Variants in BAG2 observed in about 807,000 individuals in gnomAD.
The protein encoded by BAG2 is BAG cochaperone 2, also known as BAG family molecular chaperone regulator 2.
BAG2 carries 8 observed loss-of-function variants against 16.4 expected under a neutral mutation model. The ratio of observed to expected loss-of-function variants is 0.49; its 90% CI spans 0.29 to 0.88. BAG2 has a LOEUF of 0.88. Among genes scored for constraint, BAG2 ranks in the 40% least tolerant of loss-of-function variants. BAG2 has a pLI of 0.09. For synonymous variants in BAG2, 82 were observed against 89.2 expected, an observed-to-expected ratio of 0.92 and a Z score of 0.46; for missense variants, 218 against 248.9, an observed-to-expected ratio of 0.88 and a Z score of 0.84.
At chr6:57,181,037 T>G (rs1471119105) in intron 1 of BAG2, among the ~76,000 whole-genome samples, 1 of 152,214 alleles carries the variant, frequency 6.6e-6, no homozygotes, top group Non-Finnish European at 1.5e-5. Flanking sequence ...GACATATCAG[T>G]GTATTTCTGT....
At position 57,184,013 on chromosome 6, in the gene BAG2, G is replaced by A; in HGVS notation, c.459G>A (p.Gln153=). ...SSEVPHGPVD[Q]KFQSIVIGCA... The stretch of plus-strand genomic sequence containing the variant: ...AGGTGCCACATGGGCCAGTTGATCA[G>A]AAGTTTCAATCCATAGTAATTGGCT... The change falls in exon 3 of 3, where the codon CAG becomes CAA. Residue 153 remains glutamine, a synonymous_variant. Coordinates refer to ENST00000370693, the MANE Select transcript of BAG2 (RefSeq NM_004282.4). The A allele has an allele frequency of 6.2e-7, 1 of 1,613,068 alleles. No homozygotes were observed. The highest frequency in any genetic ancestry group is 1.7e-5 in the Admixed American group (1 of 59,784).
rs969443655 is a variant in BAG2 at position 57,181,909 on chromosome 6, A to G, written c.114-123A>G. ...AAAATGAAAGAATTTTAAAGCAGAA[A>G]TGAAGAATTTTTGAAAAGTTTGGTG... On this transcript the variant is annotated intron_variant, in intron 1 of 2. Transcript: ENST00000370693. The G allele has an allele frequency of 5.2e-6, 4 of 764,702 alleles. No homozygotes were observed. In the Admixed American group the frequency reaches 7.7e-5, roughly 15 times the overall value. 47.4% of individuals were successfully genotyped at this position (764,702 alleles called of 1,614,324 possible).
At chr6:57,173,548 C>G (rs1019337139) in intron 1 of BAG2, 1 of 945,800 alleles carries the variant, frequency 1.1e-6, no homozygotes, top group African/African-American at 1.8e-5. Context: ...CCTTTTCTTG[C>G]TTAAGAATTT....
chr6:57,173,632 T>C (rs1375214336), intron 1 of BAG2: 4 of 599,728 alleles, frequency 6.7e-6, no homozygotes, highest in Non-Finnish European at 8.4e-6. Context: ...GGAAAGACTT[T>C]AACGGTGTAT....
chr6:57,173,153 G>A (rs552615314), intron 1 of BAG2: 1 of 1,013,080 alleles, frequency 9.9e-7, no homozygotes, highest in East Asian at 9.3e-5. Flanking sequence ...TAAGGACTGT[G>A]GCAGCTTGGG....
At position 57,172,623 on chromosome 6, in the gene BAG2, C is replaced by T; in HGVS notation, c.-75C>T. 4.8e-6 allele frequency: 6 copies of T among 1,251,010 alleles called. No homozygotes were observed. Among genetic ancestry groups the T allele is most frequent in the Non-Finnish European group, 6.3e-6 (6 of 951,556 alleles). The allele number at this position is 1,251,010 out of a possible 1,614,324, so 77.5% of individuals were successfully genotyped here. Reference sequence around the variant, plus strand: ...GCCCGCGTGGTGACGGCGACGCCTGCAGCCCAAGGAGCGCTCCACTCGCTG... The same window carrying T: ...GCCCGCGTGGTGACGGCGACGCCTGTAGCCCAAGGAGCGCTCCACTCGCTG... On this transcript the variant is annotated 5_prime_UTR_variant, in exon 1 of 3. Transcript: ENST00000370693.
In BAG2 at chr6:57,185,003, A is replaced by G. The variant is rs981535667; in HGVS notation, c.*813A>G. The stretch of plus-strand genomic sequence containing the variant: ...TTTTATGGACATTTAGGTTGTTTCC[A>G]ACTTGTTGCTATTACTGCAACATAT... On this transcript the variant is annotated 3_prime_UTR_variant, in exon 3 of 3. Coordinates refer to ENST00000370693, the MANE Select transcript of BAG2 (RefSeq NM_004282.4). 1 of 152,194 alleles carries G rather than the reference A, an allele frequency of 6.6e-6. No homozygotes were observed. The highest frequency in any genetic ancestry group is 1.5e-5 in the Non-Finnish European group (1 of 68,028). 9.4% of individuals were successfully genotyped at this position (152,194 alleles called of 1,614,324 possible). A position where few individuals can be genotyped will look rare whatever the true frequency, so the allele number is the denominator to read the frequency against.
chr6:57,181,224 C>A (rs1764431557), intron 1 of BAG2, among the ~76,000 whole-genome samples: 1 of 152,082 alleles, frequency 6.6e-6, no homozygotes, highest in African/African-American at 2.4e-5. Context: ...TGGTATATGT[C>A]CTAAGGAAAT....
At position 57,184,984 on chromosome 6, in the gene BAG2, G is replaced by A. The variant is rs568899174; in HGVS notation, c.*794G>A. The A allele has an allele frequency of 6.6e-6, 1 of 152,070 alleles. No homozygotes were observed. The highest frequency in any genetic ancestry group is 2.1e-4 in the South Asian group (1 of 4,812). The allele number at this position is 152,070 out of a possible 1,614,324, so 9.4% of individuals were successfully genotyped here. ...ATATCTTTATCCATTCCTCTTTTATGGACATTTAGGTTGTTTCCAACTTGT... is the reference window on the plus strand; with the variant it reads ...ATATCTTTATCCATTCCTCTTTTATAGACATTTAGGTTGTTTCCAACTTGT... On this transcript the variant is annotated 3_prime_UTR_variant, in exon 3 of 3. Transcript: ENST00000370693.
At chr6:57,176,571 A>C (rs555223092) in intron 1 of BAG2, among the ~76,000 whole-genome samples, 1 of 152,208 alleles carries the variant, frequency 6.6e-6, no homozygotes, top group African/African-American at 2.4e-5. Context: ...TAGGACTGGG[A>C]GATTGGCTTT....
At chr6:57,182,782 CT>C (rs1002092256) in intron 2 of BAG2, among the ~76,000 whole-genome samples, 14 of 152,146 alleles carry the variant, frequency 9.2e-5, no homozygotes, top group Non-Finnish European at 1.9e-4. Context: ...TCCCGAGTAG[CT>C]GGGATTACAG....
chr6:57,173,191 T>C (rs1313983717), intron 1 of BAG2: 24 of 997,810 alleles, frequency 2.4e-5, no homozygotes, highest in Non-Finnish European at 2.9e-5. Context: ...ACCTTCTGTG[T>C]GGCCCCAAAC....
Position 57,184,171 on chromosome 6 carries a change from C to A in BAG2, c.617C>A (p.Ala206Asp). The change falls in exon 3 of 3, where the codon GCT becomes GAT. Residue 206 changes from alanine (A) to aspartate (D), a missense_variant. Ala to Asp is a moderately radical substitution (Grantham distance 126). Transcript: ENST00000370693. ...GAGSKTLQQN[A>D]ESRFN The stretch of plus-strand genomic sequence containing the variant: ...GGTTCCAAAACTCTGCAACAAAATG[C>A]TGAAAGCAGATTCAATTAGTCTTCA... The A allele has an allele frequency of 6.5e-7, 1 of 1,548,074 alleles. No individual in the cohort carries two copies. Among genetic ancestry groups the A allele is most frequent in the Non-Finnish European group, 8.6e-7 (1 of 1,156,300 alleles).
rs1451981484 is a variant in BAG2, at chr6:57,172,504, G to A, written c.-194G>A. Reference sequence around the variant, plus strand: ...CAGGCCCGGCGTCCCCGAGCCCCGCGGGCGCCGCGCCTGCCCTTCTTTGGC... The same window carrying A: ...CAGGCCCGGCGTCCCCGAGCCCCGCAGGCGCCGCGCCTGCCCTTCTTTGGC... On this transcript the variant is annotated 5_prime_UTR_variant, in exon 1 of 3. Coordinates refer to ENST00000370693, the MANE Select transcript of BAG2 (RefSeq NM_004282.4). 7.1e-6 allele frequency: 3 copies of A among 422,466 alleles called. No individual in the cohort carries two copies. Among genetic ancestry groups the A allele is most frequent in the Non-Finnish European group, 1.3e-5 (3 of 236,278 alleles). 26.2% of individuals were successfully genotyped at this position (422,466 alleles called of 1,614,324 possible). A position where few individuals can be genotyped will look rare whatever the true frequency, so the allele number is the denominator to read the frequency against.
rs1383669900 is a variant in BAG2 at position 57,188,583 on chromosome 6, TAG to T, written c.*4398_*4399del. The T allele has an allele frequency of 2.6e-5, 4 of 151,714 alleles. No individual in the cohort carries two copies. The highest frequency in any genetic ancestry group is 9.7e-5 in the African/African-American group (4 of 41,322). The allele number at this position is 151,714 out of a possible 1,614,324, so 9.4% of individuals were successfully genotyped here. A position where few individuals can be genotyped will look rare whatever the true frequency, so the allele number is the denominator to read the frequency against. On this transcript the variant is annotated 3_prime_UTR_variant, in exon 3 of 3. Coordinates refer to ENST00000370693, the MANE Select transcript of BAG2 (RefSeq NM_004282.4). ...TTTGTGCAAAAATTAAAGAGGAGAG[TAG>T]AGAGTAGAAAATTGAAGAGAGTAGA...
chr6:57,176,897 CA>C (rs11366557), intron 1 of BAG2, among the ~76,000 whole-genome samples: 39,782 of 151,964 alleles, frequency 0.26, 5,588 homozygotes, highest in African/African-American at 0.35. Flanking sequence ...AAGTGAGGTC[CA>C]ATTAGGATGA....
intron 1 of BAG2, among the ~76,000 whole-genome samples, chr6:57,180,679 ATAAAGT>A (rs1764412831): frequency 6.6e-6 from 1 of 152,176 alleles, no homozygotes; most frequent in African/African-American, 2.4e-5. Context: ...AGGTAGAACT[ATAAAGT>A]TAATAAGAGA....
intron 1 of BAG2, among the ~76,000 whole-genome samples, chr6:57,175,852 G>T (rs1226057416): frequency 6.6e-6 from 1 of 152,154 alleles, no homozygotes; most frequent in African/African-American, 2.4e-5. Context: ...CCTGAATTTT[G>T]TGAGCTGCTG....
At position 57,172,683 on chromosome 6, in the gene BAG2, G is replaced by A. The variant is rs370222906; in HGVS notation, c.-15G>A. ...GGGCCGGTGACCTCTTGGCTACCCC[G>A]CGTCGGAGGCTTAGATGGCTCAGGC... On this transcript the variant is annotated 5_prime_UTR_variant, in exon 1 of 3. Transcript: ENST00000370693. The A allele has an allele frequency of 1.1e-3, 1,637 of 1,518,500 alleles. No individual in the cohort carries two copies. The highest frequency in any genetic ancestry group is 1.3e-3 in the Non-Finnish European group (1,518 of 1,131,186). 94.1% of individuals were successfully genotyped at this position (1,518,500 alleles called of 1,614,324 possible). A position where few individuals can be genotyped will look rare whatever the true frequency, so the allele number is the denominator to read the frequency against.
Sources: gnomAD v4.1 joint callset for allele counts (sites outside exome capture counted in the v4.1 genomes callset) on GRCh38, gnomAD v4.1.1 for gene constraint, MANE v1.5 for transcripts, NCBI Gene and HGNC (gene_info 2026-07-23, HGNC 2026-07-21) for gene names.